SYN3: variants seen among roughly 807,000 people sequenced by gnomAD.
SYN3 encodes the protein synapsin-3.
A neutral mutation model predicts 65.8 loss-of-function variants in SYN3; 35 were observed. That is an observed-to-expected ratio of 0.53 (90% CI 0.41 to 0.70). SYN3 has a LOEUF of 0.70. Among genes scored for constraint, SYN3 ranks in the 30% least tolerant of loss-of-function variants. SYN3 has a pLI of 0.00. For missense variants in SYN3, 680 were observed against 749.0 expected, an observed-to-expected ratio of 0.91 and a Z score of 1.08; for synonymous variants, 270 against 292.9, an observed-to-expected ratio of 0.92 and a Z score of 0.80.
chr22:32,919,478 C>T (rs750001371), intron 4 of SYN3, among the ~76,000 whole-genome samples: 3 of 152,162 alleles, frequency 2.0e-5, no homozygotes, highest in Non-Finnish European at 2.9e-5. Flanking sequence ...GAGGAAGCAG[C>T]TTAATGCATA....
chr22:32,550,952 T>C (rs1371464547), intron 7 of SYN3, among the ~76,000 whole-genome samples: 2 of 152,186 alleles, frequency 1.3e-5, no homozygotes, highest in Non-Finnish European at 2.9e-5. Context: ...TCAGAAAGAA[T>C]AGTGACTTCA....
chr22:32,692,855 G>A (rs1310696277), intron 6 of SYN3, among the ~76,000 whole-genome samples: 3 of 151,990 alleles, frequency 2.0e-5, no homozygotes, highest in Admixed American at 6.6e-5. Context: ...ACATGTTTTC[G>A]GCATAAAGTG....
chr22:32,857,475 A>G (rs370989221), intron 6 of SYN3: 114 of 819,098 alleles, frequency 1.4e-4, no homozygotes, highest in East Asian at 8.4e-4. Context: ...AATTGTAAGG[A>G]GTCTCTAATG....
chr22:32,782,118 G>A (rs571490969), intron 6 of SYN3, among the ~76,000 whole-genome samples: 1 of 151,722 alleles, frequency 6.6e-6, no homozygotes, highest in Non-Finnish European at 1.5e-5. Flanking sequence ...GCCCAGGCTG[G>A]AGTGCAATGG....
chr22:32,801,696 C>T lies in SYN3; in HGVS notation c.711+63219G>A. 5.5e-6 allele frequency: 1 copy of T among 183,106 alleles called. No homozygotes were observed. The highest frequency in any genetic ancestry group is 1.1e-5 in the Non-Finnish European group (1 of 90,068). The allele number at this position is 183,106 out of a possible 1,614,324, so 11.3% of individuals were successfully genotyped here. ...GCGCTATATCACTCGGCCGCCCAGG[C>T]AGCGGCGCAGAGCGGGCAGCAGGCA... On this transcript the variant is annotated intron_variant, in intron 6 of 13. Transcript: ENST00000358763. The surrounding 1 kb of genome is among the most constrained non-coding windows in gnomAD (Gnocchi z 4.7).
intron 2 of SYN3, among the ~76,000 whole-genome samples, chr22:32,982,023 A>G (rs2052388582): frequency 6.6e-6 from 1 of 152,206 alleles, no homozygotes; most frequent in South Asian, 2.1e-4. Flanking sequence ...TTTAGAAAAT[A>G]CAGTTTTGTT....
intron 1 of SYN3, chr22:33,057,664 T>G (rs1173169204): frequency 2.6e-5 from 4 of 152,848 alleles, no homozygotes; most frequent in Non-Finnish European, 5.8e-5. Context: ...AGGCCATTCT[T>G]CATGCTGCTA....
intron 6 of SYN3, among the ~76,000 whole-genome samples, chr22:32,788,198 C>T (rs1074421): frequency 0.15 from 22,847 of 151,814 alleles, 2,088 homozygotes; most frequent in African/African-American, 0.26. Context: ...GGATGGAAAA[C>T]ATTTGGAAAA....
chr22:32,910,091 G>T (rs1190217517), intron 4 of SYN3, among the ~76,000 whole-genome samples: 6 of 152,148 alleles, frequency 3.9e-5, no homozygotes, highest in Non-Finnish European at 7.4e-5. Context: ...AAATAGCTCT[G>T]CCCTGGCACA....
intron 3 of SYN3, among the ~76,000 whole-genome samples, chr22:32,937,618 T>C (rs2050808993): frequency 6.6e-6 from 1 of 152,088 alleles, no homozygotes; most frequent in Admixed American, 6.5e-5. Flanking sequence ...AACTCTATAA[T>C]GAGGACAGCA....
At chr22:32,949,768 C>G (rs1466170985) in intron 3 of SYN3, among the ~76,000 whole-genome samples, 2 of 152,112 alleles carry the variant, frequency 1.3e-5, no homozygotes, top group Non-Finnish European at 2.9e-5. Context: ...TGATTGTAAT[C>G]ATCATCATAA....
At chr22:32,945,865 T>C (rs1289384859) in intron 3 of SYN3, among the ~76,000 whole-genome samples, 1 of 152,032 alleles carries the variant, frequency 6.6e-6, no homozygotes, top group African/African-American at 2.4e-5. Context: ...AACAAGGCGA[T>C]CAAAAAGTGG....
At chr22:32,828,117 T>A (rs2047466684) in intron 6 of SYN3, among the ~76,000 whole-genome samples, 2 of 152,360 alleles carry the variant, frequency 1.3e-5, no homozygotes, top group South Asian at 4.1e-4. Context: ...TAGAAGATAC[T>A]TGAAACTCTA....
intron 6 of SYN3, among the ~76,000 whole-genome samples, chr22:32,622,225 C>A (rs1336197534): frequency 6.6e-6 from 1 of 152,106 alleles, no homozygotes; most frequent in Non-Finnish European, 1.5e-5. Context: ...TCACTGTCCG[C>A]TGCCCTGTCT....
intron 6 of SYN3, among the ~76,000 whole-genome samples, chr22:32,733,535 T>C (rs928441347): frequency 1.3e-5 from 2 of 152,222 alleles, no homozygotes; most frequent in Non-Finnish European, 2.9e-5. Context: ...TGGCTCTTGG[T>C]TTCTATCTGA....
intron 6 of SYN3, among the ~76,000 whole-genome samples, chr22:32,649,400 A>C (rs2146938432): frequency 6.6e-6 from 1 of 152,306 alleles, no homozygotes; most frequent in Non-Finnish European, 1.5e-5. Context: ...AATGACCCCT[A>C]GTATGTACCG....
chr22:32,574,533 G>A (rs1443612504), intron 7 of SYN3, among the ~76,000 whole-genome samples: 4 of 152,122 alleles, frequency 2.6e-5, no homozygotes, highest in South Asian at 2.1e-4. Flanking sequence ...CACAACCCAC[G>A]CTTGCTAGTG....
At chr22:32,771,172 T>C (rs190484383) in intron 6 of SYN3, among the ~76,000 whole-genome samples, 1 of 152,282 alleles carries the variant, frequency 6.6e-6, no homozygotes, top group East Asian at 1.9e-4. Flanking sequence ...GGTTTTCTGT[T>C]CCTGTGTTAG....
intron 6 of SYN3, among the ~76,000 whole-genome samples, chr22:32,683,909 G>T (rs1177344188): frequency 2.0e-5 from 3 of 152,162 alleles, no homozygotes; most frequent in Non-Finnish European, 2.9e-5. Context: ...GTTTCTGGGA[G>T]AATTCTTAGG....
Sources: allele counts gnomAD v4.1 joint callset (sites outside exome capture counted in the v4.1 genomes callset), GRCh38; gene constraint gnomAD v4.1.1; non-coding constraint Gnocchi (gnomAD v3.1); transcripts MANE v1.5; gene names NCBI Gene and HGNC (gene_info 2026-07-23, HGNC 2026-07-21).